NPSR1: variants seen among roughly 807,000 people sequenced by gnomAD.
NPSR1 encodes neuropeptide S receptor 1, also known as neuropeptide S receptor.
A neutral mutation model predicts 46.9 loss-of-function variants in NPSR1; 48 were observed. The ratio of observed to expected loss-of-function variants is 1.02; its 90% CI spans 0.81 to 1.30. The LOEUF (loss-of-function observed/expected upper bound fraction) is 1.30. Among genes scored for constraint, NPSR1 ranks in the 50% most tolerant of loss-of-function variants. The pLI is 0.00. For missense variants in NPSR1, 450 were observed against 449.5 expected (o/e 1.00, Z -0.01); for synonymous variants, 176 against 168.1 (o/e 1.05, Z -0.36).
intron 4 of NPSR1, among the ~76,000 whole-genome samples, chr7:34,823,557 G>C (rs934847918): frequency 6.6e-6 from 1 of 152,058 alleles, no homozygotes; most frequent in South Asian, 2.1e-4. Context: ...ACTATTAGGA[G>C]AGTATAAGGA....
At chr7:34,671,254 T>C (rs955438678) in intron 1 of NPSR1, among the ~76,000 whole-genome samples, 1 of 152,188 alleles carries the variant, frequency 6.6e-6, no homozygotes, top group African/African-American at 2.4e-5. Context: ...AATACCAAGA[T>C]GGAAAAGTAA....
chr7:34,706,916 C>G lies in NPSR1; in HGVS notation c.280+22232C>G, dbSNP rs149808199. 4.9e-3 allele frequency among the ~76,000 whole-genome samples: 745 copies of G among 152,240 alleles called. 4 individuals carry two copies. The highest frequency in any genetic ancestry group is 7.7e-3 in the Non-Finnish European group (522 of 68,010). On this transcript the variant is annotated intron_variant, in intron 2 of 8. Transcript: ENST00000360581. ...TTTATTTGGATTATTCCTACACTAG[C>G]TGCACAATGCCATCATTGTTTCCTC...
intron 3 of NPSR1, among the ~76,000 whole-genome samples, chr7:34,788,492 C>A (rs1473007697): frequency 6.6e-6 from 1 of 151,774 alleles, no homozygotes; most frequent in Non-Finnish European, 1.5e-5. Context: ...AAGTGGAAAC[C>A]AAAATAGATG....
At chr7:34,712,200 C>T (rs577252945) in intron 2 of NPSR1, among the ~76,000 whole-genome samples, 1 of 152,136 alleles carries the variant, frequency 6.6e-6, no homozygotes, top group East Asian at 1.9e-4. Flanking sequence ...ATTGCTTTCC[C>T]CTTGCACTCA....
intron 2 of NPSR1, among the ~76,000 whole-genome samples, chr7:34,693,394 A>C (rs1793362443): frequency 6.6e-6 from 1 of 152,232 alleles, no homozygotes; most frequent in Non-Finnish European, 1.5e-5. Flanking sequence ...GAAAACCTGG[A>C]GGAAATGGAT....
chr7:34,779,566 T>C, intron 3 of NPSR1: 5 of 1,255,160 alleles, frequency 4.0e-6, no homozygotes, highest in Non-Finnish European at 2.1e-6. Flanking sequence ...AGTTATTCCA[T>C]ATTCAGAAAA....
intron 3 of NPSR1, among the ~76,000 whole-genome samples, chr7:34,792,633 G>GTA (rs1210971936): frequency 4.6e-5 from 4 of 87,650 alleles, no homozygotes; most frequent in Non-Finnish European, 7.6e-5. Flanking sequence ...GTGTGTGTGT[G>GTA]TGTATGTGTA....
intron 8 of NPSR1, among the ~76,000 whole-genome samples, chr7:34,866,840 C>G (rs905888483): frequency 1.3e-5 from 2 of 151,728 alleles, no homozygotes; most frequent in Non-Finnish European, 2.9e-5. Flanking sequence ...TTTCCTGCAG[C>G]AAAACCCATG....
chr7:34,667,740 C>T (rs2128672195), intron 1 of NPSR1, among the ~76,000 whole-genome samples: 1 of 152,218 alleles, frequency 6.6e-6, no homozygotes, highest in East Asian at 1.9e-4. Flanking sequence ...CCTGCCCTCT[C>T]ACAAGCCTCT....
At chr7:34,698,879 C>A (rs1793676919) in intron 2 of NPSR1, among the ~76,000 whole-genome samples, 1 of 152,036 alleles carries the variant, frequency 6.6e-6, no homozygotes, top group African/African-American at 2.4e-5. Context: ...TTAAAGAAAT[C>A]TGAACTATTG....
intron 3 of NPSR1, among the ~76,000 whole-genome samples, chr7:34,805,373 T>C (rs1410148421): frequency 7.0e-6 from 1 of 143,082 alleles, no homozygotes; most frequent in African/African-American, 2.6e-5. Context: ...GAAATAGACA[T>C]ACAAAAAGAT....
intron 2 of NPSR1, among the ~76,000 whole-genome samples, chr7:34,717,926 G>A (rs1378831944): frequency 5.3e-5 from 8 of 152,170 alleles, no homozygotes; most frequent in Non-Finnish European, 1.0e-4. Flanking sequence ...CCTGAACCAG[G>A]AAAAATGCCA....
At chr7:34,695,593 A>C (rs954844874) in intron 2 of NPSR1, among the ~76,000 whole-genome samples, 1 of 152,174 alleles carries the variant, frequency 6.6e-6, no homozygotes, top group African/African-American at 2.4e-5. Context: ...CAAGGAACTA[A>C]GACAAATCAA....
At chr7:34,870,746 A>T (rs1362741664) in intron 8 of NPSR1, among the ~76,000 whole-genome samples, 2 of 151,804 alleles carry the variant, frequency 1.3e-5, no homozygotes, top group Non-Finnish European at 2.9e-5. Context: ...GGAATTTATG[A>T]AAATCTTGTG....
chr7:34,740,637 T>C (rs1562693212), intron 2 of NPSR1, among the ~76,000 whole-genome samples: 2 of 152,174 alleles, frequency 1.3e-5, no homozygotes, highest in Non-Finnish European at 2.9e-5. Context: ...GCTCCAGGTA[T>C]GGTCAGAATA....
At chr7:34,845,480 G>A in intron 7 of NPSR1, 1 of 432,376 alleles carries the variant, frequency 2.3e-6, no homozygotes, top group East Asian at 7.1e-5. Flanking sequence ...GACTCATAAA[G>A]TCACCTTGTA....
At chr7:34,718,331 A>T (rs1783675865) in intron 2 of NPSR1, among the ~76,000 whole-genome samples, 1 of 152,186 alleles carries the variant, frequency 6.6e-6, no homozygotes, top group Non-Finnish European at 1.5e-5. Flanking sequence ...ATCACTCATG[A>T]TGCCACCTCT....
At chr7:34,799,432 T>C (rs150026387) in intron 3 of NPSR1, among the ~76,000 whole-genome samples, 152 of 151,808 alleles carry the variant, frequency 1.0e-3, no homozygotes, top group African/African-American at 3.5e-3. Context: ...AAGAAAACAA[T>C]TTTCAACCCA....
chr7:34,858,702 CT>C (rs1471862724), intron 8 of NPSR1, among the ~76,000 whole-genome samples: 1 of 151,698 alleles, frequency 6.6e-6, no homozygotes, highest in East Asian at 1.9e-4. Flanking sequence ...AAAGAGCAAG[CT>C]TATGCAAAGA....
Sources: allele counts gnomAD v4.1 joint callset (sites outside exome capture counted in the v4.1 genomes callset), GRCh38; gene constraint gnomAD v4.1.1; transcripts MANE v1.5; gene names NCBI Gene and HGNC (gene_info 2026-07-23, HGNC 2026-07-21).